EEFSEC: variants seen among roughly 807,000 people sequenced by gnomAD.
EEFSEC encodes the protein selenocysteine-specific elongation factor.
A neutral mutation model predicts 42.1 loss-of-function variants in EEFSEC; 43 were observed. The observed-to-expected ratio is 1.02, with a 90% CI of 0.80 to 1.32. The LOEUF (loss-of-function observed/expected upper bound fraction) is 1.32, where lower values mean the gene tolerates loss of function less well. Ranked by LOEUF, EEFSEC falls within the 40% of genes most tolerant of loss-of-function variation. EEFSEC has a pLI of 0.00. For synonymous variants in EEFSEC, 354 were observed against 339.1 expected, an observed-to-expected ratio of 1.04 and a Z score of -0.48; for missense variants, 745 against 803.6, an observed-to-expected ratio of 0.93 and a Z score of 0.88.
intron 1 of EEFSEC, among the ~76,000 whole-genome samples, chr3:128,219,823 G>A (rs1236277414): frequency 6.6e-6 from 1 of 151,660 alleles, no homozygotes; most frequent in Non-Finnish European, 1.5e-5. Context: ...TCGAAAGAGT[G>A]CCCATCTAGT....
chr3:128,267,430 C>T (rs1202023224), intron 4 of EEFSEC, among the ~76,000 whole-genome samples: 2 of 152,180 alleles, frequency 1.3e-5, no homozygotes, highest in Non-Finnish European at 2.9e-5. Context: ...TTGGTGTCTA[C>T]TGCCTGATGA....
intron 1 of EEFSEC, among the ~76,000 whole-genome samples, chr3:128,236,106 G>A (rs1445177069): frequency 6.6e-6 from 1 of 152,082 alleles, no homozygotes; most frequent in South Asian, 2.1e-4. Context: ...CTGGGATTAC[G>A]CAGCAACACC....
intron 1 of EEFSEC, among the ~76,000 whole-genome samples, chr3:128,172,441 A>G (rs2065308457): frequency 6.6e-6 from 1 of 152,232 alleles, no homozygotes; most frequent in Non-Finnish European, 1.5e-5. Flanking sequence ...CTTCAGGCAC[A>G]TAGTAGGGAG....
chr3:128,171,103 G>C (rs1329874212), intron 1 of EEFSEC, among the ~76,000 whole-genome samples: 2 of 152,156 alleles, frequency 1.3e-5, no homozygotes, highest in Admixed American at 1.3e-4. Context: ...TGCCGACTCC[G>C]AACTATTTGG....
chr3:128,242,494 C>G (rs2066082417), intron 1 of EEFSEC, among the ~76,000 whole-genome samples: 1 of 151,464 alleles, frequency 6.6e-6, no homozygotes, highest in Non-Finnish European at 1.5e-5. Flanking sequence ...ATAGCTTTGA[C>G]TTTTTTAAAA....
rs1010592949 is a variant in EEFSEC, at chr3:128,408,628, G to A, written c.*369G>A. 8 of 191,568 alleles carry A rather than the reference G, an allele frequency of 4.2e-5. No homozygotes were observed. Among genetic ancestry groups the A allele is most frequent in the Non-Finnish European group, 8.5e-5 (8 of 94,298 alleles). 11.9% of individuals were successfully genotyped at this position (191,568 alleles called of 1,614,324 possible). On this transcript the variant is annotated 3_prime_UTR_variant, in exon 7 of 7. Coordinates refer to ENST00000254730, the MANE Select transcript of EEFSEC (RefSeq NM_021937.5). ...CTTGATGGCTACAAATAAATGTCCC[G>A]TGGCCCCAGCCCACTCTACTGGTGT... is the stretch of plus-strand genomic sequence containing the variant.
At chr3:128,255,895 T>C (rs2066237317) in intron 2 of EEFSEC, among the ~76,000 whole-genome samples, 1 of 152,090 alleles carries the variant, frequency 6.6e-6, no homozygotes, top group Non-Finnish European at 1.5e-5. Context: ...AAGGCCCCCA[T>C]AGACCTGGCA....
intron 2 of EEFSEC, among the ~76,000 whole-genome samples, chr3:128,258,316 GGGGATCCCAGCACC>G (rs1242522290): frequency 6.6e-6 from 1 of 152,162 alleles, no homozygotes; most frequent in Non-Finnish European, 1.5e-5. Context: ...AGGTCATTCT[GGGGATCCCAGCACC>G]GTGGGAAGGA....
At chr3:128,346,633 A>AAAAT (rs1263676638) in intron 5 of EEFSEC, among the ~76,000 whole-genome samples, 2 of 152,272 alleles carry the variant, frequency 1.3e-5, no homozygotes, top group South Asian at 2.1e-4. Context: ...CACCAGTAAT[A>AAAAT]AAATAAATAA....
intron 1 of EEFSEC, among the ~76,000 whole-genome samples, chr3:128,174,544 C>G (rs1227299627): frequency 6.6e-5 from 10 of 152,186 alleles, no homozygotes; most frequent in Non-Finnish European, 1.3e-4. Context: ...AGTGGAGAAG[C>G]TGCAGCACAA....
At chr3:128,197,058 C>G (rs1425175007) in intron 1 of EEFSEC, among the ~76,000 whole-genome samples, 1 of 152,132 alleles carries the variant, frequency 6.6e-6, no homozygotes, top group Non-Finnish European at 1.5e-5. Flanking sequence ...CCTCTTTGTT[C>G]TGTGTACTTT....
chr3:128,174,035 G>A lies in EEFSEC; in HGVS notation c.316+20212G>A, dbSNP rs138787295. On this transcript the variant is annotated intron_variant, in intron 1 of 6. Transcript: ENST00000254730. ...CCCAACTGCAAGGCGATCTCTTAGG[G>A]TTGGGCACTATGACAAGGCTAGAAA... 1.5e-3 allele frequency among the ~76,000 whole-genome samples: 231 copies of A among 152,312 alleles called. 2 individuals are homozygous for A. Among genetic ancestry groups the A allele is most frequent in the Admixed American group, 6.1e-3 (94 of 15,292 alleles).
chr3:128,184,919 C>T (rs1043684858), intron 1 of EEFSEC, among the ~76,000 whole-genome samples: 5 of 152,022 alleles, frequency 3.3e-5, no homozygotes, highest in Non-Finnish European at 5.9e-5. Flanking sequence ...GGCTGTAATC[C>T]CAGCATTTTG....
At chr3:128,198,501 C>T (rs1222595059) in intron 1 of EEFSEC, among the ~76,000 whole-genome samples, 4 of 152,158 alleles carry the variant, frequency 2.6e-5, no homozygotes, top group Non-Finnish European at 4.4e-5. Context: ...GGCACTCTTC[C>T]GGCAGCACAT....
chr3:128,290,569 CTT>C (rs1266674662), intron 4 of EEFSEC, among the ~76,000 whole-genome samples: 4 of 140,904 alleles, frequency 2.8e-5, no homozygotes, highest in Admixed American at 1.4e-4. Flanking sequence ...TCCAAGTCAA[CTT>C]TTTTTTTTTT....
intron 1 of EEFSEC, among the ~76,000 whole-genome samples, chr3:128,244,323 G>A (rs1435873163): frequency 6.6e-6 from 1 of 152,194 alleles, no homozygotes; most frequent in African/African-American, 2.4e-5. Flanking sequence ...TTGTGTGAGG[G>A]AGGCATGAGT....
chr3:128,422,539 A>T, the EEFSEC span, among the ~76,000 whole-genome samples: 1 of 151,904 alleles, frequency 6.6e-6, no homozygotes, highest in Non-Finnish European at 1.5e-5. Flanking sequence ...GCCTCAACAC[A>T]GGGGCCAGAC....
chr3:128,283,051 C>CA (rs796682698), intron 4 of EEFSEC, among the ~76,000 whole-genome samples: 5 of 152,352 alleles, frequency 3.3e-5, no homozygotes, highest in African/African-American at 1.2e-4. Context: ...CTTCTGAAAA[C>CA]ACAGCTCTTT....
intron 4 of EEFSEC, among the ~76,000 whole-genome samples, chr3:128,301,890 A>T (rs2066773565): frequency 6.6e-6 from 1 of 152,160 alleles, no homozygotes; most frequent in African/African-American, 2.4e-5. Context: ...GGAAGACCCC[A>T]CTGGGAAGCT....
Sources: gnomAD v4.1 joint callset for allele counts (sites outside exome capture counted in the v4.1 genomes callset) on GRCh38, gnomAD v4.1.1 for gene constraint, MANE v1.5 for transcripts, NCBI Gene and HGNC (gene_info 2026-07-23, HGNC 2026-07-21) for gene names.